Variants in AGBL1 observed in about 807,000 individuals in gnomAD.
AGBL1 encodes AGBL carboxypeptidase 1.
A neutral mutation model predicts 118.9 loss-of-function variants in AGBL1; 130 were observed. The observed-to-expected ratio is 1.09, with a 90% CI of 0.95 to 1.26. The LOEUF is 1.26. AGBL1 is among the 50% of genes most tolerant of loss of function. The pLI is 0.00. For missense variants in AGBL1, 1,584 were observed against 1,298.1 expected (o/e 1.22, Z -3.38); for synonymous variants, 555 against 478.9 (o/e 1.16, Z -2.08).
chr15:87,006,775 T>TG (rs976634397), intron 24 of AGBL1, among the ~76,000 whole-genome samples: 1 of 152,156 alleles, frequency 6.6e-6, no homozygotes, highest in African/African-American at 2.4e-5. Context: ...TCACTCACTC[T>TG]GGGAGCTGTA....
At chr15:86,451,085 T>C (rs2082186773) in intron 18 of AGBL1, among the ~76,000 whole-genome samples, 1 of 152,224 alleles carries the variant, frequency 6.6e-6, no homozygotes, top group South Asian at 2.1e-4. Flanking sequence ...GAATTAGTTA[T>C]TGACTTTCTA....
chr15:86,790,315 G>A (rs2078472911), intron 22 of AGBL1, among the ~76,000 whole-genome samples: 1 of 151,622 alleles, frequency 6.6e-6, no homozygotes, highest in South Asian at 2.1e-4. Flanking sequence ...GAATAGAAAG[G>A]AAGCCATGGG....
intron 22 of AGBL1, among the ~76,000 whole-genome samples, chr15:86,697,555 C>G (rs533924419): frequency 1.3e-5 from 2 of 150,074 alleles, no homozygotes; most frequent in East Asian, 2.0e-4. Context: ...TCTTGTGCCT[C>G]TTTGATTAGC....
intron 18 of AGBL1, among the ~76,000 whole-genome samples, chr15:86,416,592 A>G (rs2081699045): frequency 6.6e-6 from 1 of 152,184 alleles, no homozygotes; most frequent in Non-Finnish European, 1.5e-5. Context: ...ATGTAATTCA[A>G]TATCTAGCTA....
At chr15:86,286,739 A>ATATATATATATATATATG in intron 16 of AGBL1, among the ~76,000 whole-genome samples, 1 of 137,094 alleles carries the variant, frequency 7.3e-6, no homozygotes, top group South Asian at 2.2e-4. Context: ...GTGTGTGTAT[A>ATATATATATATATATATG]TATATATATA....
chr15:86,830,730 TG>T (rs2079093899), intron 22 of AGBL1, among the ~76,000 whole-genome samples: 1 of 152,238 alleles, frequency 6.6e-6, no homozygotes, highest in South Asian at 2.1e-4. Flanking sequence ...TCTTTTATCC[TG>T]GAAGGGTATT....
At chr15:86,674,239 C>T (rs758542890) in intron 21 of AGBL1, 34 bp from the exon 22 acceptor site, 20 of 1,578,600 alleles carry the variant, frequency 1.3e-5, no homozygotes, top group African/African-American at 2.7e-5. Context: ...TCCCATTATA[C>T]GTTGCCACAG....
Position 86,270,021 on chromosome 15 carries a change from C to A in AGBL1, c.1941C>A (p.His647Gln). ...GTATGCAGGCGGCCATCCCTTACCA[C>A]TTCAACATCATCAACTGTGAGAAGC... ...VSGMQAAIPY[H>Q]FNIINCEKPN... Residue 647 changes from histidine (H) to glutamine (Q), a missense_variant, in exon 14 of 23, where the codon CAC becomes CAA. Physicochemically the swap from His to Gln is conservative, Grantham distance 24. Transcript: ENST00000614907. 1 of 1,613,374 alleles carries A rather than the reference C, an allele frequency of 6.2e-7. No individual in the cohort carries two copies. The highest frequency in any genetic ancestry group is 1.1e-5 in the South Asian group (1 of 90,838).
At chr15:86,511,578 G>A (rs2142178877) in intron 18 of AGBL1, among the ~76,000 whole-genome samples, 1 of 152,120 alleles carries the variant, frequency 6.6e-6, no homozygotes, top group South Asian at 2.1e-4. Flanking sequence ...CTTAACATCT[G>A]TAAATCTCAA....
intron 24 of AGBL1, among the ~76,000 whole-genome samples, chr15:86,991,072 T>C: frequency 6.6e-6 from 1 of 152,228 alleles, no homozygotes; most frequent in Admixed American, 6.5e-5. Flanking sequence ...CTAGGCTCTC[T>C]GATCCTGAGA....
intron 5 of AGBL1, among the ~76,000 whole-genome samples, chr15:86,174,812 A>G (rs1034318701): frequency 1.4e-4 from 22 of 152,036 alleles, no homozygotes; most frequent in Non-Finnish European, 2.9e-4. Context: ...TGATTTGTAT[A>G]TGTTGAACCA....
chr15:86,599,251 C>T (rs923623287), intron 21 of AGBL1, among the ~76,000 whole-genome samples: 1 of 151,824 alleles, frequency 6.6e-6, no homozygotes, highest in South Asian at 2.1e-4. Flanking sequence ...TGAGAATATT[C>T]TATAGTCATA....
At chr15:86,776,754 G>A (rs1029335848) in intron 22 of AGBL1, among the ~76,000 whole-genome samples, 9,385 of 71,292 alleles carry the variant, frequency 0.13, 300 homozygotes, top group East Asian at 0.25. Context: ...ATATATATGT[G>A]TGTGTGTGTG....
At chr15:86,220,759 G>C (rs1225948751) in intron 5 of AGBL1, among the ~76,000 whole-genome samples, 3 of 152,166 alleles carry the variant, frequency 2.0e-5, no homozygotes, top group Non-Finnish European at 4.4e-5. Context: ...TTCTTTCATT[G>C]ATGTAAACAT....
chr15:86,282,654 G>C (rs957163434), intron 16 of AGBL1, among the ~76,000 whole-genome samples: 5 of 152,086 alleles, frequency 3.3e-5, no homozygotes, highest in African/African-American at 1.2e-4. Flanking sequence ...TCCCATCATG[G>C]ACAAAATGAG....
rs1176940848 is a variant in AGBL1 at position 86,625,365 on chromosome 15, G to GTT, written c.2995-48896_2995-48895dup. 3.8e-4 allele frequency among the ~76,000 whole-genome samples: 47 copies of GTT among 123,062 alleles called. 1 individual carries two copies. Among genetic ancestry groups the GTT allele is most frequent in the African/African-American group, 1.1e-3 (35 of 32,280 alleles). The allele number at this position is 123,062 out of a possible 152,430, so 80.7% of individuals were successfully genotyped here. A position where few individuals can be genotyped will look rare whatever the true frequency, so the allele number is the denominator to read the frequency against. ...AGCCTCCAAGGTAGAAGAAATTAGC[G>GTT]TTTTTTTTTTTTTGTTTTTGTTTTT... is the stretch of plus-strand genomic sequence containing the variant. On this transcript the variant is annotated intron_variant, in intron 21 of 22. Transcript: ENST00000614907.
At chr15:86,635,883 A>C (rs1435966333) in intron 21 of AGBL1, among the ~76,000 whole-genome samples, 1 of 151,938 alleles carries the variant, frequency 6.6e-6, no homozygotes, top group Non-Finnish European at 1.5e-5. Flanking sequence ...TATCAATAGA[A>C]CTCCTGGCCC....
At chr15:86,652,501 C>T (rs2085391342) in intron 21 of AGBL1, among the ~76,000 whole-genome samples, 1 of 152,062 alleles carries the variant, frequency 6.6e-6, no homozygotes, top group Non-Finnish European at 1.5e-5. Flanking sequence ...TATTAACACA[C>T]CGAGATGTGG....
chr15:86,996,994 C>A (rs1289162636), intron 24 of AGBL1, among the ~76,000 whole-genome samples: 1 of 151,876 alleles, frequency 6.6e-6, no homozygotes, highest in Non-Finnish European at 1.5e-5. Flanking sequence ...AGAATCATAA[C>A]CATCTTTATA....
Sources: gnomAD v4.1 joint callset for allele counts (sites outside exome capture counted in the v4.1 genomes callset) on GRCh38, gnomAD v4.1.1 for gene constraint, MANE v1.5 for transcripts, NCBI Gene and HGNC (gene_info 2026-07-23, HGNC 2026-07-21) for gene names.